Variants in KCND2 observed in about 807,000 individuals in gnomAD.
KCND2 encodes the protein A-type voltage-gated potassium channel KCND2.
Under a neutral mutation model 54.4 loss-of-function variants are expected in KCND2, and 16 were observed. The observed-to-expected ratio is 0.29, with a 90% CI of 0.20 to 0.45. The LOEUF (loss-of-function observed/expected upper bound fraction) is 0.45. Ranked by LOEUF, KCND2 falls within the 20% of genes least tolerant of loss-of-function variation. The probability of loss-of-function intolerance (pLI) is 1.00; values close to 1 mark genes in which losing one functional copy is unlikely to be tolerated. For missense variants in KCND2, 486 were observed against 824.2 expected, an observed-to-expected ratio of 0.59 and a Z score of 5.02; for synonymous variants, 317 against 310.7, an observed-to-expected ratio of 1.02 and a Z score of -0.21.
intron 1 of KCND2, among the ~76,000 whole-genome samples, chr7:120,620,255 C>G (rs750215126): frequency 6.6e-6 from 1 of 151,556 alleles, no homozygotes; most frequent in Non-Finnish European, 1.5e-5. Context: ...AAAAAAAACT[C>G]TTACTTTTAA....
chr7:120,463,813 A>G (rs1387880871), intron 1 of KCND2, among the ~76,000 whole-genome samples: 1 of 152,096 alleles, frequency 6.6e-6, no homozygotes, highest in Non-Finnish European at 1.5e-5. Flanking sequence ...TTTCTACCAT[A>G]GAAGGGAAAT....
chr7:120,543,449 C>T (rs1475202361), intron 1 of KCND2, among the ~76,000 whole-genome samples: 2 of 152,034 alleles, frequency 1.3e-5, no homozygotes, highest in Non-Finnish European at 2.9e-5. Flanking sequence ...ATGATTTTCT[C>T]TGTCACATTT....
Position 120,382,486 on chromosome 7 carries a change from A to G in KCND2, c.1115+106739A>G, listed in dbSNP as rs1800928800. On this transcript the variant is annotated intron_variant, in intron 1 of 5. Coordinates refer to ENST00000331113, the MANE Select transcript of KCND2 (RefSeq NM_012281.3). ...TTAGAATTCAAATATAAATGTAATC[A>G]TGGTGATTTTTGAAAAATCTTACTG... is the stretch of plus-strand genomic sequence containing the variant. Among the ~76,000 whole-genome samples, 4 of 151,922 alleles carry G rather than the reference A, an allele frequency of 2.6e-5. No homozygotes were observed. In the South Asian group the frequency reaches 6.2e-4, roughly 24 times the overall value.
rs560358226 is a variant in KCND2, at chr7:120,505,620, A to G, written c.1116-227283A>G. 6.6e-5 allele frequency among the ~76,000 whole-genome samples: 10 copies of G among 151,876 alleles called. No individual in the cohort carries two copies. In the South Asian group the frequency reaches 8.3e-4, roughly 13 times the overall value. ...GGTCTTTTAATATGATCTCTTGCCC[A>G]TGGACCTGTTTTAGCTGACACACTC... On this transcript the variant is annotated intron_variant, in intron 1 of 5. Transcript: ENST00000331113.
intron 1 of KCND2, among the ~76,000 whole-genome samples, chr7:120,343,939 T>C (rs903622191): frequency 2.6e-5 from 4 of 152,000 alleles, no homozygotes; most frequent in Non-Finnish European, 5.9e-5. Flanking sequence ...ACATCACTGA[T>C]AGATCCATAA....
At chr7:120,293,749 G>A (rs984000664) in intron 1 of KCND2, among the ~76,000 whole-genome samples, 5 of 151,806 alleles carry the variant, frequency 3.3e-5, no homozygotes, top group South Asian at 2.1e-4. Flanking sequence ...AATCTACAAC[G>A]TGTTACCTTT....
intron 1 of KCND2, among the ~76,000 whole-genome samples, chr7:120,472,291 G>C (rs1246971112): frequency 2.0e-5 from 3 of 151,848 alleles, no homozygotes; most frequent in Non-Finnish European, 2.9e-5. Context: ...TAGCAGTGGG[G>C]CAGGGCAGGA....
At chr7:120,454,511 T>C (rs530927835) in intron 1 of KCND2, among the ~76,000 whole-genome samples, 1 of 152,086 alleles carries the variant, frequency 6.6e-6, no homozygotes, top group Non-Finnish European at 1.5e-5. Flanking sequence ...AGGAACAAAT[T>C]GAATCCCTGG....
chr7:120,582,779 A>G (rs1427747680), intron 1 of KCND2, among the ~76,000 whole-genome samples: 2 of 152,110 alleles, frequency 1.3e-5, no homozygotes, highest in South Asian at 2.1e-4. Flanking sequence ...CTTGGGCCCA[A>G]TTATGGCCCA....
chr7:120,611,135 A>C (rs1483172168), intron 1 of KCND2, among the ~76,000 whole-genome samples: 1 of 152,216 alleles, frequency 6.6e-6, no homozygotes, highest in Non-Finnish European at 1.5e-5. Context: ...GAAAGCTGGT[A>C]AATAGACAAG....
intron 1 of KCND2, among the ~76,000 whole-genome samples, chr7:120,551,155 A>T (rs941273232): frequency 6.6e-6 from 1 of 152,250 alleles, no homozygotes; most frequent in Non-Finnish European, 1.5e-5. Flanking sequence ...TGGGGAATAA[A>T]GGGAATAGAA....
chr7:120,647,409 A>C (rs1051010615), intron 1 of KCND2, among the ~76,000 whole-genome samples: 5 of 152,036 alleles, frequency 3.3e-5, no homozygotes, highest in African/African-American at 1.2e-4. Context: ...CATTAACCTC[A>C]TGTCATTATC....
At chr7:120,301,971 T>C (rs1447092372) in intron 1 of KCND2, among the ~76,000 whole-genome samples, 1 of 152,222 alleles carries the variant, frequency 6.6e-6, no homozygotes, top group Non-Finnish European at 1.5e-5. Flanking sequence ...GCATTATATG[T>C]TTCATTTCTA....
At chr7:120,491,696 T>G (rs1041484928) in intron 1 of KCND2, among the ~76,000 whole-genome samples, 1 of 151,966 alleles carries the variant, frequency 6.6e-6, no homozygotes, top group African/African-American at 2.4e-5. Context: ...AAAAATGAAT[T>G]CTGAAAACTG....
intron 1 of KCND2, among the ~76,000 whole-genome samples, chr7:120,715,483 T>A (rs1202502287): frequency 6.6e-6 from 1 of 152,088 alleles, no homozygotes; most frequent in Non-Finnish European, 1.5e-5. Context: ...TCAGAAGATA[T>A]TACATCTGAA....
At chr7:120,740,211 T>A (rs1047674290) in intron 2 of KCND2, among the ~76,000 whole-genome samples, 2 of 152,070 alleles carry the variant, frequency 1.3e-5, no homozygotes, top group African/African-American at 4.8e-5. Context: ...TACCAGTGAT[T>A]GTTTCTGAAG....
rs58222636 is a variant in KCND2 at position 120,503,385 on chromosome 7, T to TGAGAGAGAGA, written c.1115+227652_1115+227661dup. 3.7e-3 allele frequency among the ~76,000 whole-genome samples: 545 copies of TGAGAGAGAGA among 146,636 alleles called. 2 individuals carry two copies. The highest frequency in any genetic ancestry group is 0.012 in the African/African-American group (465 of 40,214). On this transcript the variant is annotated intron_variant, in intron 1 of 5. Coordinates refer to ENST00000331113, the MANE Select transcript of KCND2 (RefSeq NM_012281.3). ...TGAGATTACAAATTAGTCTCTAGAG[T>TGAGAGAGAGA]GAGAGAGAGAGAGAGAGAGAGAGTT...
chr7:120,345,307 C>G (rs1175823950), intron 1 of KCND2, among the ~76,000 whole-genome samples: 1 of 152,068 alleles, frequency 6.6e-6, no homozygotes, highest in Non-Finnish European at 1.5e-5. Flanking sequence ...ATATAGTGTT[C>G]TTCTGGTGGT....
At chr7:120,697,541 A>G (rs952401776) in intron 1 of KCND2, among the ~76,000 whole-genome samples, 1 of 152,226 alleles carries the variant, frequency 6.6e-6, no homozygotes, top group African/African-American at 2.4e-5. Context: ...ATACTTTAAT[A>G]TGAAATTCAT....
Sources: gnomAD v4.1 joint callset for allele counts (sites outside exome capture counted in the v4.1 genomes callset) on GRCh38, gnomAD v4.1.1 for gene constraint, MANE v1.5 for transcripts, NCBI Gene and HGNC (gene_info 2026-07-23, HGNC 2026-07-21) for gene names.